Variants in C4orf51 observed in about 807,000 individuals in gnomAD.
The protein encoded by C4orf51 is uncharacterized protein C4orf51.
A neutral mutation model predicts 25.2 loss-of-function variants in C4orf51; 25 were observed. That is an observed-to-expected ratio of 0.99 (90% confidence interval 0.72 to 1.39). C4orf51 has a LOEUF of 1.39. Ranked by LOEUF, C4orf51 falls within the 40% of genes most tolerant of loss-of-function variation. C4orf51 has a pLI of 0.00. For synonymous variants in C4orf51, 100 were observed against 84.5 expected (o/e 1.18, Z -1.01); for missense variants, 252 against 239.6 (o/e 1.05, Z -0.34).
At chr4:145,715,393 C>T (rs35709140) in intron 2 of C4orf51, among the ~76,000 whole-genome samples, 21,178 of 152,096 alleles carry the variant, frequency 0.14, 1,565 homozygotes, top group Admixed American at 0.23. Flanking sequence ...GGCAGTGTCT[C>T]GCACAGCTAG....
intron 1 of C4orf51, among the ~76,000 whole-genome samples, chr4:145,746,942 C>G (rs1051114664): frequency 1.3e-5 from 2 of 151,762 alleles, no homozygotes; most frequent in African/African-American, 4.8e-5. Context: ...TGATTAATTT[C>G]TAGGTATCAT....
chr4:145,775,380 G>A (rs1261497409), downstream of C4orf51, among the ~76,000 whole-genome samples: 2 of 151,698 alleles, frequency 1.3e-5, no homozygotes, highest in South Asian at 2.1e-4. Context: ...AATACGTAAC[G>A]CCTTCTGGGC....
chr4:145,688,217 A>C (rs74886859), intron 1 of C4orf51, among the ~76,000 whole-genome samples: 3 of 151,602 alleles, frequency 2.0e-5, no homozygotes, highest in Non-Finnish European at 2.9e-5. Flanking sequence ...AAAAAAAAAA[A>C]AAAGCACCTA....
rs976615754 is a variant in C4orf51, at chr4:145,762,774, G to C, written n.167-8214G>C. Among the ~76,000 whole-genome samples the C allele has an allele frequency of 1.3e-5, 2 of 152,246 alleles. No homozygotes were observed. The highest frequency in any genetic ancestry group is 4.8e-5 in the African/African-American group (2 of 41,466). ...TGAGCCTCTCTTTTAGAAGCTGCCA[G>C]GCTGGAGTCAGTGGCTTATATGAGA... is the stretch of plus-strand genomic sequence containing the variant. On this transcript the variant is annotated intron_variant and non_coding_transcript_variant, in intron 1 of 1. Transcript: ENST00000510096. The surrounding 1 kb of genome is among the most constrained non-coding windows in gnomAD (Gnocchi z 4.9).
At chr4:145,782,515 G>A in the C4orf51 span, among the ~76,000 whole-genome samples, 3 of 152,168 alleles carry the variant, frequency 2.0e-5, no homozygotes, top group African/African-American at 7.2e-5. Flanking sequence ...CCAGAAGCTG[G>A]TGATCTTATG....
At chr4:145,778,799 A>G in the C4orf51 span, among the ~76,000 whole-genome samples, 1 of 152,144 alleles carries the variant, frequency 6.6e-6, no homozygotes, top group Non-Finnish European at 1.5e-5. Flanking sequence ...GAAATGTTTG[A>G]TTTTATTATT....
intron 1 of C4orf51, among the ~76,000 whole-genome samples, chr4:145,693,999 C>T (rs1455404686): frequency 3.1e-5 from 4 of 127,232 alleles, no homozygotes; most frequent in African/African-American, 9.1e-5. Flanking sequence ...GGGCAGCTGC[C>T]GGGCGGAGGG....
intron 1 of C4orf51, among the ~76,000 whole-genome samples, chr4:145,766,359 GA>G (rs1735295975): frequency 2.6e-5 from 4 of 152,092 alleles, no homozygotes; most frequent in Non-Finnish European, 4.4e-5. Context: ...ACTAACAACT[GA>G]AAAAAATCAG....
downstream of C4orf51, among the ~76,000 whole-genome samples, chr4:145,737,203 G>A (rs967983000): frequency 1.3e-5 from 2 of 152,086 alleles, no homozygotes; most frequent in Non-Finnish European, 2.9e-5. Context: ...TACATGGCAA[G>A]AAATATCTTA....
chr4:145,719,664 G>C (rs1731619259), intron 2 of C4orf51, among the ~76,000 whole-genome samples: 1 of 151,454 alleles, frequency 6.6e-6, no homozygotes. Flanking sequence ...TCCTATGTAG[G>C]AGCCCCTAGA....
chr4:145,738,754 C>A (rs1732943869), intron 1 of C4orf51, among the ~76,000 whole-genome samples: 1 of 152,044 alleles, frequency 6.6e-6, no homozygotes, highest in African/African-American at 2.4e-5. Context: ...ATGCTCCCAC[C>A]TCAGCCTCCC....
chr4:145,765,244 C>G lies in C4orf51; in HGVS notation n.167-5744C>G, dbSNP rs76846242. The G allele has an allele frequency of 0.17, 248,461 of 1,440,284 alleles. 29,663 individuals are homozygous for G. Among genetic ancestry groups the G allele is most frequent in the East Asian group, 0.69 (28,223 of 41,100 alleles). The allele number at this position is 1,440,284 out of a possible 1,614,324, so 89.2% of individuals were successfully genotyped here. On this transcript the variant is annotated intron_variant and non_coding_transcript_variant, in intron 1 of 1. Transcript: ENST00000510096. This position sits in a 1 kb window ranked among gnomAD's most constrained non-coding sequence, Gnocchi z 4.7. ...GCAGGAGTGGAGCCAAGCTCCTCCC[C>G]ACTTCCTCCCGCCTCCTCCGACGCC...
At chr4:145,711,274 C>T (rs1235064911) in intron 2 of C4orf51, among the ~76,000 whole-genome samples, 1 of 152,198 alleles carries the variant, frequency 6.6e-6, no homozygotes, top group Non-Finnish European at 1.5e-5. Context: ...AATAAAACTA[C>T]TTTTCAAACC....
chr4:145,717,182 G>C (rs1260274768), intron 2 of C4orf51, among the ~76,000 whole-genome samples: 1 of 152,112 alleles, frequency 6.6e-6, no homozygotes, highest in African/African-American at 2.4e-5. Flanking sequence ...TGGGTGGGTG[G>C]GGGCATTTGA....
rs575228557 is a variant in C4orf51 at position 145,762,155 on chromosome 4, G to C, written n.167-8833G>C. On this transcript the variant is annotated intron_variant and non_coding_transcript_variant, in intron 1 of 1. Transcript: ENST00000510096. The surrounding 1 kb of genome is among the most constrained non-coding windows in gnomAD (Gnocchi z 4.9). ...AATCGTGCTTATTAAGGGTTTGTTA[G>C]GATGAGAAGGCCTGTGTGTGTCTCT... Among the ~76,000 whole-genome samples the C allele has an allele frequency of 5.0e-4, 76 of 152,310 alleles. No individual in the cohort carries two copies. The highest frequency in any genetic ancestry group is 1.8e-3 in the African/African-American group (75 of 41,550).
chr4:145,771,633 C>T (rs1038174676), downstream of C4orf51, among the ~76,000 whole-genome samples: 2 of 152,126 alleles, frequency 1.3e-5, no homozygotes, highest in African/African-American at 4.8e-5. Flanking sequence ...GATCACTAAG[C>T]GGAAATGCCT....
intron 1 of C4orf51, among the ~76,000 whole-genome samples, chr4:145,738,788 C>T (rs1355008028): frequency 6.6e-6 from 1 of 151,890 alleles, no homozygotes; most frequent in Non-Finnish European, 1.5e-5. Flanking sequence ...CACAGGTGGG[C>T]ACCACAACGC....
chr4:145,691,816 A>G (rs1226338464), intron 1 of C4orf51, among the ~76,000 whole-genome samples: 2 of 152,226 alleles, frequency 1.3e-5, no homozygotes, highest in East Asian at 1.9e-4. Context: ...CCTATTGGGT[A>G]CTAAGTTCAC....
At chr4:145,700,425 T>C (rs1472311616) in intron 2 of C4orf51, among the ~76,000 whole-genome samples, 1 of 152,140 alleles carries the variant, frequency 6.6e-6, no homozygotes, top group Non-Finnish European at 1.5e-5. Flanking sequence ...CCTTAGCCTG[T>C]GTTCTTAAGA....
Sources: allele counts gnomAD v4.1 joint callset (sites outside exome capture counted in the v4.1 genomes callset), GRCh38; gene constraint gnomAD v4.1.1; non-coding constraint Gnocchi (gnomAD v3.1); transcripts MANE v1.5; gene names NCBI Gene and HGNC (gene_info 2026-07-23, HGNC 2026-07-21).